Variants in STXBP5L observed in about 807,000 individuals in gnomAD.
STXBP5L encodes syntaxin binding protein 5L, also known as syntaxin-binding protein 5-like.
A neutral mutation model predicts 144.5 loss-of-function variants in STXBP5L; 65 were observed. That is an observed-to-expected ratio of 0.45 (90% CI 0.37 to 0.55). The LOEUF is 0.55. Ranked by LOEUF, STXBP5L falls within the 20% of genes least tolerant of loss-of-function variation. STXBP5L has a pLI of 0.00. For missense variants in STXBP5L, 1,298 were observed against 1,405.5 expected (o/e 0.92, Z 1.22); for synonymous variants, 505 against 469.6 (o/e 1.08, Z -0.97).
chr3:121,089,090 AAT>A (rs1560113751), intron 5 of STXBP5L, among the ~76,000 whole-genome samples: 1 of 62,376 alleles, frequency 1.6e-5, no homozygotes, highest in East Asian at 3.8e-4. Context: ...CTTAGAGTAT[AAT>A]AAAAAAAAAA....
At chr3:121,278,066 C>A (rs372216255) in intron 18 of STXBP5L, among the ~76,000 whole-genome samples, 4 of 151,984 alleles carry the variant, frequency 2.6e-5, no homozygotes, top group African/African-American at 9.7e-5. Flanking sequence ...TTAGTTGTAG[C>A]TGTTTTTGTA....
At chr3:121,185,606 G>A (rs2047344052) in intron 9 of STXBP5L, among the ~76,000 whole-genome samples, 1 of 152,158 alleles carries the variant, frequency 6.6e-6, no homozygotes, top group Admixed American at 6.5e-5. Flanking sequence ...TCGGATGGTT[G>A]TAGATATGTG....
chr3:121,097,212 G>C (rs2043174722), intron 5 of STXBP5L, among the ~76,000 whole-genome samples: 1 of 152,184 alleles, frequency 6.6e-6, no homozygotes, highest in African/African-American at 2.4e-5. Flanking sequence ...GTTGATCTCT[G>C]ACTGCTGTTG....
At chr3:121,070,809 C>T (rs549707629) in intron 5 of STXBP5L, among the ~76,000 whole-genome samples, 5 of 152,216 alleles carry the variant, frequency 3.3e-5, no homozygotes, top group East Asian at 1.9e-4. Flanking sequence ...GCCTTTTATG[C>T]GAGTACGGGA....
At chr3:121,050,705 T>C (rs1454975376) in intron 5 of STXBP5L, among the ~76,000 whole-genome samples, 1 of 152,160 alleles carries the variant, frequency 6.6e-6, no homozygotes, top group East Asian at 1.9e-4. Context: ...GCTAACATCA[T>C]AATGACAGGA....
intron 19 of STXBP5L, among the ~76,000 whole-genome samples, chr3:121,304,673 C>G (rs758993688): frequency 6.6e-6 from 1 of 151,874 alleles, no homozygotes; most frequent in Non-Finnish European, 1.5e-5. Context: ...AGTGAAAGTA[C>G]AAACACAACA....
chr3:121,017,304 A>G (rs1418545594), intron 3 of STXBP5L, among the ~76,000 whole-genome samples: 1 of 152,218 alleles, frequency 6.6e-6, no homozygotes, highest in African/African-American at 2.4e-5. Context: ...CTTGATAAAG[A>G]ACATCTACCA....
chr3:121,091,770 T>C lies in STXBP5L; in HGVS notation c.471-23155T>C, dbSNP rs532643187. Among the ~76,000 whole-genome samples, 3 of 152,318 alleles carry C rather than the reference T, an allele frequency of 2.0e-5. No homozygotes were observed. In the South Asian group the frequency reaches 6.2e-4, roughly 32 times the overall value. On this transcript the variant is annotated intron_variant, in intron 5 of 26. Coordinates refer to ENST00000471454, the MANE Select transcript of STXBP5L (RefSeq NM_001308330.2). ...AGTTTCCTTTGCTGTGCAGAAGCTC[T>C]TTAGTTTAATTAGATCCCATTTGTC...
chr3:121,412,727 C>CAAAAAAAAAAAAAAAAAAAAAAAA (rs35247157), intron 23 of STXBP5L, among the ~76,000 whole-genome samples: 22 of 69,602 alleles, frequency 3.2e-4, no homozygotes, highest in East Asian at 1.4e-3. Context: ...TTTCTCCCTC[C>CAAAAAAAAAAAAAAAAAAAAAAAA]AAAAAAAAAA....
intron 22 of STXBP5L, among the ~76,000 whole-genome samples, chr3:121,400,183 G>A (rs2046837116): frequency 6.6e-6 from 1 of 152,178 alleles, no homozygotes; most frequent in African/African-American, 2.4e-5. Context: ...CATGCACCAG[G>A]GGCTTGAAGC....
chr3:121,064,729 T>C (rs985085828), intron 5 of STXBP5L, among the ~76,000 whole-genome samples: 2 of 152,220 alleles, frequency 1.3e-5, no homozygotes, highest in Non-Finnish European at 2.9e-5. Flanking sequence ...ATTTGATTTT[T>C]TAAAAAATGT....
chr3:121,245,727 A>G (rs2049827829), intron 14 of STXBP5L, among the ~76,000 whole-genome samples: 1 of 152,198 alleles, frequency 6.6e-6, no homozygotes, highest in South Asian at 2.1e-4. Context: ...GAGTCAATCC[A>G]ACAGAAAGAT....
At chr3:121,347,075 T>C in intron 20 of STXBP5L, among the ~76,000 whole-genome samples, 1 of 152,232 alleles carries the variant, frequency 6.6e-6, no homozygotes, top group Non-Finnish European at 1.5e-5. Flanking sequence ...TTAGGGTTTT[T>C]ATGGTTTTAG....
intron 7 of STXBP5L, among the ~76,000 whole-genome samples, chr3:121,151,329 A>G (rs2045924414): frequency 6.6e-6 from 1 of 152,204 alleles, no homozygotes; most frequent in Non-Finnish European, 1.5e-5. Flanking sequence ...GTCATTTTTA[A>G]CATTTATTGT....
intron 3 of STXBP5L, among the ~76,000 whole-genome samples, chr3:121,001,103 C>T (rs1523507): frequency 6.6e-6 from 1 of 152,108 alleles, no homozygotes; most frequent in Non-Finnish European, 1.5e-5. Context: ...GATCCATGCC[C>T]ACATGCATGT....
At chr3:121,363,884 A>G (rs982465691) in intron 20 of STXBP5L, among the ~76,000 whole-genome samples, 1 of 151,920 alleles carries the variant, frequency 6.6e-6, no homozygotes, top group Non-Finnish European at 1.5e-5. Context: ...TGAGTAGTTT[A>G]TTTTGTTATT....
Position 121,114,646 on chromosome 3 carries a change from T to C in STXBP5L, c.471-279T>C, listed in dbSNP as rs1356179266. ...AAATTCAGCCACAGTTTCATTTTTG[T>C]AAAACAGAAATACATATCTGTCTTG... On this transcript the variant is annotated intron_variant, in intron 5 of 26. Coordinates refer to ENST00000471454, the MANE Select transcript of STXBP5L (RefSeq NM_001308330.2). Among the ~76,000 whole-genome samples, 5 of 152,276 alleles carry C rather than the reference T, an allele frequency of 3.3e-5. No individual in the cohort carries two copies. In the East Asian group the frequency reaches 7.7e-4, roughly 23 times the overall value.
chr3:121,117,117 T>C (rs1207538771), intron 6 of STXBP5L, among the ~76,000 whole-genome samples: 2 of 151,866 alleles, frequency 1.3e-5, no homozygotes, highest in East Asian at 3.8e-4. Context: ...GTTTATATAG[T>C]CTATACAATT....
At chr3:121,094,376 A>T (rs1019558188) in intron 5 of STXBP5L, among the ~76,000 whole-genome samples, 5 of 152,048 alleles carry the variant, frequency 3.3e-5, no homozygotes, top group African/African-American at 1.2e-4. Flanking sequence ...GTGGGGTGTT[A>T]AAGTCTCCCA....
Sources: allele counts gnomAD v4.1 joint callset (sites outside exome capture counted in the v4.1 genomes callset), GRCh38; gene constraint gnomAD v4.1.1; transcripts MANE v1.5; gene names NCBI Gene and HGNC (gene_info 2026-07-23, HGNC 2026-07-21).